NOC3L: variants seen among roughly 807,000 people sequenced by gnomAD.
NOC3L encodes nucleolar complex protein 3 homolog.
A neutral mutation model predicts 102.5 loss-of-function variants in NOC3L; 85 were observed. The observed-to-expected ratio is 0.83, with a 90% CI of 0.70 to 0.99. The LOEUF is 0.99. Ranked by LOEUF, NOC3L falls within the 50% of genes least tolerant of loss-of-function variation. NOC3L has a pLI of 0.00. For synonymous variants in NOC3L, 303 were observed against 309.4 expected, an observed-to-expected ratio of 0.98 and a Z score of 0.22; for missense variants, 878 against 914.9, an observed-to-expected ratio of 0.96 and a Z score of 0.52.
chr10:94,361,104 A>T (rs1232193742), intron 2 of NOC3L, among the ~76,000 whole-genome samples: 1 of 152,260 alleles, frequency 6.6e-6, no homozygotes, highest in Admixed American at 6.5e-5. Context: ...ATACCCTAAA[A>T]GTACCAGCAA....
chr10:94,320,941 AAAGAT>A, the NOC3L span, among the ~76,000 whole-genome samples: 1 of 152,352 alleles, frequency 6.6e-6, no homozygotes, highest in Non-Finnish European at 1.5e-5. Flanking sequence ...GAGAAGGAAA[AAAGAT>A]GAGAATGGGA....
chr10:94,334,448 C>T, intron 20 of NOC3L, 143 bp from the exon 21 acceptor site: 2 of 656,450 alleles, frequency 3.0e-6, no homozygotes, highest in Non-Finnish European at 5.2e-6. Flanking sequence ...TGGACATATC[C>T]TATATTGAAC....
At chr10:94,345,434 A>G (rs2054331884) in intron 11 of NOC3L, among the ~76,000 whole-genome samples, 1 of 152,132 alleles carries the variant, frequency 6.6e-6, no homozygotes, top group Admixed American at 6.5e-5. Context: ...CTATAAAGAA[A>G]TTCAATAAAA....
At chr10:94,320,647 C>G in the NOC3L span, among the ~76,000 whole-genome samples, 1 of 152,172 alleles carries the variant, frequency 6.6e-6, no homozygotes, top group Non-Finnish European at 1.5e-5. Flanking sequence ...CCTGCCAAGA[C>G]CTCACTTGCT....
At position 94,334,157 on chromosome 10, in the gene NOC3L, C is replaced by T; in HGVS notation, c.*20G>A. ...TGCACACACAAATATACAAGAAAGT[C>T]CACTGACTTCATTCCTCTACTAGTG... On this transcript the variant is annotated 3_prime_UTR_variant, in exon 21 of 21. Coordinates refer to ENST00000371361, the MANE Select transcript of NOC3L (RefSeq NM_022451.11). 1.9e-6 allele frequency: 2 copies of T among 1,073,684 alleles called. No homozygotes were observed. The highest frequency in any genetic ancestry group is 2.9e-6 in the Non-Finnish European group (2 of 698,828). The allele number at this position is 1,073,684 out of a possible 1,614,324, so 66.5% of individuals were successfully genotyped here. A position where few individuals can be genotyped will look rare whatever the true frequency, so the allele number is the denominator to read the frequency against.
At chr10:94,352,430 T>G (rs1399567235) in intron 7 of NOC3L, 27 bp from the exon 8 acceptor site, 2 of 1,502,282 alleles carry the variant, frequency 1.3e-6, no homozygotes, top group East Asian at 4.5e-5. Flanking sequence ...GGTCAATCAT[T>G]TTTTAAAATC....
At chr10:94,316,867 A>G in the NOC3L span, 1 of 770,960 alleles carries the variant, frequency 1.3e-6, no homozygotes, top group Non-Finnish European at 2.3e-6. Context: ...AACTTGGTTT[A>G]TATTCTTCTT....
At chr10:94,324,154 G>C in the NOC3L span, among the ~76,000 whole-genome samples, 6 of 152,310 alleles carry the variant, frequency 3.9e-5, no homozygotes, top group East Asian at 1.2e-3. Context: ...CTGTTGCAAA[G>C]CTAAATGAGG....
chr10:94,336,600 G>A (rs985739065), intron 19 of NOC3L, among the ~76,000 whole-genome samples: 33 of 151,588 alleles, frequency 2.2e-4, no homozygotes, highest in Middle Eastern at 3.4e-3. Flanking sequence ...CACCCGCATC[G>A]GCCTCCCAAA....
chr10:94,357,252 C>A lies in NOC3L; in HGVS notation c.430G>T (p.Ala144Ser). 1 of 1,609,146 alleles carries A rather than the reference C, an allele frequency of 6.2e-7. No homozygotes were observed. Among genetic ancestry groups the A allele is most frequent in the Non-Finnish European group, 8.5e-7 (1 of 1,177,448 alleles). Residue 144 changes from alanine (A) to serine (S), a missense_variant, in exon 4 of 21, where the codon GCA (alanine) becomes TCA (serine). Ala to Ser is a moderately conservative substitution (Grantham distance 99, BLOSUM62 1). Transcript: ENST00000371361. ...YEKIPRTLQT[A>S]PEKELIHLLP... ...AAATGAATCAGTTCCTTCTCTGGTG[C>A]AGTTTGCAGAGTTCTTGGTATTTTT...
chr10:94,323,489 A>T, the NOC3L span, among the ~76,000 whole-genome samples: 1 of 152,216 alleles, frequency 6.6e-6, no homozygotes, highest in Non-Finnish European at 1.5e-5. Flanking sequence ...TGCCCCTACC[A>T]TATCTGATTT....
At chr10:94,315,594 C>A in the NOC3L span, 1 of 433,118 alleles carries the variant, frequency 2.3e-6, no homozygotes, top group South Asian at 1.7e-5. Flanking sequence ...CATGGTGAAA[C>A]CCTGTCTCCA....
chr10:94,346,343 A>AT, intron 11 of NOC3L, 82 bp downstream of exon 11: 1 of 1,072,890 alleles, frequency 9.3e-7, no homozygotes, highest in Non-Finnish European at 1.3e-6. Flanking sequence ...TTTAACTATG[A>AT]TTTTTACATG....
At position 94,361,833 on chromosome 10, in the gene NOC3L, T is replaced by G. The variant is rs1033077659; in HGVS notation, c.49A>C (p.Ile17Leu). The change falls in exon 2 of 21, where the codon ATA becomes CTA. Residue 17 changes from isoleucine to leucine, a missense_variant. Physicochemically the swap from Ile to Leu is conservative, Grantham distance 5. Transcript: ENST00000371361. ...TCAAGTTTGACTTTACTAGTTTTTA[T>G]TAACTTGCGAAAGCTTGGGATCTGT... ...KKQIPSFRKLIKTSKVKLENK... is the reference protein window; with the variant it reads ...KKQIPSFRKLLKTSKVKLENK... 6.2e-7 allele frequency: 1 copy of G among 1,613,358 alleles called. No individual in the cohort carries two copies.
intron 10 of NOC3L, among the ~76,000 whole-genome samples, chr10:94,347,114 G>A (rs1026055283): frequency 7.3e-5 from 11 of 150,462 alleles, no homozygotes; most frequent in Admixed American, 3.3e-4. Flanking sequence ...AGAACAAAAG[G>A]GGTTTAAAAT....
At chr10:94,327,906 CG>C in the NOC3L span, 1 of 495,684 alleles carries the variant, frequency 2.0e-6, no homozygotes, top group South Asian at 1.5e-5. Context: ...CTTGGTATAC[CG>C]CAAGTGTTTC....
At chr10:94,350,379 C>A in intron 8 of NOC3L, 91 bp from the exon 9 acceptor site, 1 of 1,044,860 alleles carries the variant, frequency 9.6e-7, no homozygotes, top group Non-Finnish European at 1.5e-6. Flanking sequence ...TTTTAACACA[C>A]ATAAACACAC....
intron 13 of NOC3L, among the ~76,000 whole-genome samples, chr10:94,343,721 G>GA (rs775181831): frequency 6.6e-5 from 10 of 152,056 alleles, no homozygotes; most frequent in Non-Finnish European, 1.5e-4. Context: ...AATATGTTAT[G>GA]AAAAAACACC....
At chr10:94,337,152 A>C (rs2054228840) in intron 19 of NOC3L, among the ~76,000 whole-genome samples, 1 of 152,136 alleles carries the variant, frequency 6.6e-6, no homozygotes, top group Non-Finnish European at 1.5e-5. Context: ...AGGGAAAAGA[A>C]GACTCTTTTA....
Sources: allele counts gnomAD v4.1 joint callset (sites outside exome capture counted in the v4.1 genomes callset), GRCh38; gene constraint gnomAD v4.1.1; transcripts MANE v1.5; gene names NCBI Gene and HGNC (gene_info 2026-07-23, HGNC 2026-07-21).